RALGAPA2: variants seen among roughly 807,000 people sequenced by gnomAD.
RALGAPA2 encodes Ral GTPase activating protein catalytic subunit alpha 2, also known as ral GTPase-activating protein subunit alpha-2.
RALGAPA2 carries 139 observed loss-of-function variants against 230.4 expected under a neutral mutation model. The ratio of observed to expected loss-of-function variants is 0.60; its 90% CI spans 0.53 to 0.69. The LOEUF (loss-of-function observed/expected upper bound fraction) is 0.69, where lower values mean the gene tolerates loss of function less well. Ranked by LOEUF, RALGAPA2 falls within the 30% of genes least tolerant of loss-of-function variation. The pLI is 0.00. For missense variants in RALGAPA2, 2,163 were observed against 2,276.0 expected (o/e 0.95, Z 1.01); for synonymous variants, 847 against 837.8 (o/e 1.01, Z -0.19).
chr20:20,545,831 G>A (rs2063761269), intron 24 of RALGAPA2, among the ~76,000 whole-genome samples: 1 of 152,190 alleles, frequency 6.6e-6, no homozygotes, highest in South Asian at 2.1e-4. Context: ...TTTGGAGGCT[G>A]AGGCAGGAGG....
At chr20:20,401,476 AG>A (rs1237530912) in intron 38 of RALGAPA2, among the ~76,000 whole-genome samples, 1 of 152,176 alleles carries the variant, frequency 6.6e-6, no homozygotes, top group East Asian at 1.9e-4. Flanking sequence ...TTTCCCTTCC[AG>A]GGTGTCTCCC....
intron 24 of RALGAPA2, among the ~76,000 whole-genome samples, chr20:20,543,107 C>T (rs1480488161): frequency 1.3e-5 from 2 of 151,898 alleles, no homozygotes; most frequent in East Asian, 1.9e-4. Flanking sequence ...TGCAGTGGTG[C>T]GATCTTGACT....
intron 34 of RALGAPA2, 96 bp from the exon 35 acceptor site, chr20:20,503,602 T>C: frequency 3.9e-6 from 4 of 1,030,306 alleles, no homozygotes; most frequent in Non-Finnish European, 5.1e-6. Context: ...TAAATTATTT[T>C]CGTTTTTATA....
At chr20:20,651,086 G>A (rs541080786) in intron 4 of RALGAPA2, among the ~76,000 whole-genome samples, 6 of 152,286 alleles carry the variant, frequency 3.9e-5, no homozygotes, top group South Asian at 4.1e-4. Flanking sequence ...AGTTGGGGCC[G>A]GGAGGAGAAG....
At chr20:20,635,684 T>G in intron 8 of RALGAPA2, 67 bp from the exon 9 acceptor site, 2 of 1,332,414 alleles carry the variant, frequency 1.5e-6, no homozygotes, top group South Asian at 2.9e-5. Context: ...TCCCTACAAA[T>G]GTTTTGGTTT....
intron 19 of RALGAPA2, 30 bp downstream of exon 19, chr20:20,584,835 T>C (rs771067843): frequency 1.1e-5 from 16 of 1,459,542 alleles, no homozygotes; most frequent in East Asian, 2.3e-5. Flanking sequence ...AACTCTGTAG[T>C]TGGAGGAACA....
At chr20:20,631,261 C>G (rs6046971) in intron 9 of RALGAPA2, among the ~76,000 whole-genome samples, 12,578 of 152,264 alleles carry the variant, frequency 0.083, 750 homozygotes, top group East Asian at 0.16. Context: ...TAGCAGGCAT[C>G]TGAACGAAGT....
At chr20:20,675,549 G>A (rs993434632) in intron 3 of RALGAPA2, among the ~76,000 whole-genome samples, 2 of 151,984 alleles carry the variant, frequency 1.3e-5, no homozygotes, top group Non-Finnish European at 2.9e-5. Flanking sequence ...ATTAACTTTC[G>A]GAACCTATAA....
intron 12 of RALGAPA2, among the ~76,000 whole-genome samples, chr20:20,617,202 T>C (rs2066172443): frequency 6.6e-6 from 1 of 152,212 alleles, no homozygotes; most frequent in Admixed American, 6.5e-5. Flanking sequence ...CATTTATAAG[T>C]AAAATTTTTT....
At chr20:20,449,447 T>C (rs908602049) in intron 37 of RALGAPA2, among the ~76,000 whole-genome samples, 5 of 152,356 alleles carry the variant, frequency 3.3e-5, no homozygotes, top group South Asian at 2.1e-4. Flanking sequence ...AAATCCATTA[T>C]TGAGAATAAG....
rs558500660 is a variant in RALGAPA2, at chr20:20,589,895, A to T, written c.2342-530T>A. Among the ~76,000 whole-genome samples the T allele has an allele frequency of 2.6e-3, 401 of 152,124 alleles. 4 individuals carry two copies. Among genetic ancestry groups the T allele is most frequent in the Non-Finnish European group, 3.7e-3 (251 of 68,000 alleles). On this transcript the variant is annotated intron_variant, in intron 17 of 39. Transcript: ENST00000202677. ...GGCAATAAATTTGAAAAAAAAAAAA[A>T]ATTTTTTTCTACAAAAACATAATTT...
Position 20,513,005 on chromosome 20 carries a change from G to C in RALGAPA2, c.4364C>G (p.Ser1455Cys), listed in dbSNP as rs759968933. The C allele has an allele frequency of 2.3e-5, 37 of 1,613,772 alleles. No homozygotes were observed. The highest frequency in any genetic ancestry group is 4.4e-5 in the South Asian group (4 of 91,056). Reference sequence around the variant, plus strand: ...CACAATTACTCTCACATCAGAGAGAGAGCCCACTGGTGATCCCCCTACCGG... The same window carrying C: ...CACAATTACTCTCACATCAGAGAGACAGCCCACTGGTGATCCCCCTACCGG... ...EGPVGGSPVG[S>C]LSDVRVIVRD... Residue 1455 changes from serine (S) to cysteine (C), a missense_variant, in exon 32 of 40, where the codon TCT (serine) becomes TGT (cysteine). Transcript: ENST00000202677.
At chr20:20,467,678 CG>C (rs2061449806) in intron 37 of RALGAPA2, among the ~76,000 whole-genome samples, 1 of 152,074 alleles carries the variant, frequency 6.6e-6, no homozygotes, top group African/African-American at 2.4e-5. Context: ...ATAGAGAAGA[CG>C]GAAGTCATTC....
At chr20:20,622,906 A>C (rs1421257379) in intron 10 of RALGAPA2, among the ~76,000 whole-genome samples, 1 of 152,220 alleles carries the variant, frequency 6.6e-6, no homozygotes, top group African/African-American at 2.4e-5. Context: ...TAACAATGGC[A>C]TATAAACTGA....
At chr20:20,400,421 G>A (rs548319044) in intron 38 of RALGAPA2, among the ~76,000 whole-genome samples, 11 of 152,212 alleles carry the variant, frequency 7.2e-5, no homozygotes, top group Non-Finnish European at 1.5e-4. Flanking sequence ...GCCTGTATAC[G>A]TGCTGCTCCC....
At chr20:20,666,793 T>C (rs961126889) in intron 3 of RALGAPA2, among the ~76,000 whole-genome samples, 1 of 152,202 alleles carries the variant, frequency 6.6e-6, no homozygotes, top group Non-Finnish European at 1.5e-5. Context: ...TCTGTTGACT[T>C]GCCTAGAATT....
chr20:20,629,260 T>C (rs2066590083), intron 10 of RALGAPA2, 103 bp downstream of exon 10: 1 of 903,064 alleles, frequency 1.1e-6, no homozygotes, highest in Admixed American at 2.0e-5. Flanking sequence ...CAATTCTATT[T>C]GTTGGCGTGT....
chr20:20,703,122 G>A (rs1392277244), intron 1 of RALGAPA2, among the ~76,000 whole-genome samples: 1 of 151,392 alleles, frequency 6.6e-6, no homozygotes, highest in South Asian at 2.1e-4. Context: ...GCAGTGAGGC[G>A]AAATTGCACC....
chr20:20,488,912 C>A (rs1166012889), intron 36 of RALGAPA2, among the ~76,000 whole-genome samples: 1 of 152,214 alleles, frequency 6.6e-6, no homozygotes, highest in East Asian at 1.9e-4. Context: ...GAATGAAGCA[C>A]TCCTGTTCCC....
Sources: allele counts gnomAD v4.1 joint callset (sites outside exome capture counted in the v4.1 genomes callset), GRCh38; gene constraint gnomAD v4.1.1; transcripts MANE v1.5; gene names NCBI Gene and HGNC (gene_info 2026-07-23, HGNC 2026-07-21).